Variants in GJC1 observed in about 807,000 individuals in gnomAD.
GJC1 encodes gap junction protein gamma 1, also known as gap junction gamma-1 protein.
A neutral mutation model predicts 29.3 loss-of-function variants in GJC1; 5 were observed. The ratio of observed to expected loss-of-function variants is 0.17; its 90% confidence interval spans 0.09 to 0.36. The LOEUF is 0.36. Among genes scored for constraint, GJC1 ranks in the 10% least tolerant of loss-of-function variants. The probability of loss-of-function intolerance (pLI) is 1.00; values close to 1 mark genes in which losing one functional copy is unlikely to be tolerated. For synonymous variants in GJC1, 177 were observed against 183.3 expected (o/e 0.97, Z 0.28); for missense variants, 310 against 496.2 (o/e 0.62, Z 3.56).
At chr17:44,824,504 T>C (rs1350091186) in intron 1 of GJC1, among the ~76,000 whole-genome samples, 1 of 152,068 alleles carries the variant, frequency 6.6e-6, no homozygotes, top group Non-Finnish European at 1.5e-5. Context: ...GCCCTCACTA[T>C]GTTGCCCAGG....
In GJC1 at chr17:44,816,134, A is replaced by AAG. The variant is rs1555558967; in HGVS notation, c.-96-8666_-96-8665insCT. ...TCTCAAAAAAAAAAAAAAAAAAAAA[A>AAG]AAAAGTTGCTTTTTTCTAGAACGGC... is the stretch of plus-strand genomic sequence containing the variant. On this transcript the variant is annotated intron_variant, in intron 1 of 2. Transcript: ENST00000592524. 3.9e-3 allele frequency among the ~76,000 whole-genome samples: 589 copies of AAG among 149,858 alleles called. 14 individuals carry two copies. The highest frequency in any genetic ancestry group is 0.014 in the African/African-American group (540 of 39,942).
intron 1 of GJC1, among the ~76,000 whole-genome samples, chr17:44,826,352 G>C: frequency 6.6e-6 from 1 of 151,978 alleles, no homozygotes; most frequent in East Asian, 1.9e-4. Context: ...TTAACACGAT[G>C]AAACAGTCTC....
At chr17:44,814,869 G>C (rs2050024715) in intron 1 of GJC1, among the ~76,000 whole-genome samples, 1 of 152,078 alleles carries the variant, frequency 6.6e-6, no homozygotes. Context: ...TTGAACCCGG[G>C]GGGCGGAGGT....
At chr17:44,823,022 T>G (rs2050129767) in intron 1 of GJC1, among the ~76,000 whole-genome samples, 1 of 152,152 alleles carries the variant, frequency 6.6e-6, no homozygotes. Flanking sequence ...AGCTCTAATT[T>G]GAACGTTCCC....
intron 1 of GJC1, among the ~76,000 whole-genome samples, chr17:44,816,196 A>T (rs1204599492): frequency 6.6e-6 from 1 of 151,630 alleles, no homozygotes; most frequent in African/African-American, 2.4e-5. Flanking sequence ...ATGGTAGCCC[A>T]TAATTCAAAA....
rs946604347 is a variant in GJC1, at chr17:44,799,602, T to A, written c.*5025A>T. ...ATTATTAACACTGATTAATAACACA[T>A]GAACCAAACCCACTTAATATCATTA... is the stretch of plus-strand genomic sequence containing the variant. On this transcript the variant is annotated 3_prime_UTR_variant, in exon 3 of 3. Coordinates refer to ENST00000592524, the MANE Select transcript of GJC1 (RefSeq NM_005497.4). 6.6e-6 allele frequency: 1 copy of A among 151,808 alleles called. No homozygotes were observed. Among genetic ancestry groups the A allele is most frequent in the African/African-American group, 2.4e-5 (1 of 41,320 alleles). The allele number at this position is 151,808 out of a possible 1,614,324, so 9.4% of individuals were successfully genotyped here. A position where few individuals can be genotyped will look rare whatever the true frequency, so the allele number is the denominator to read the frequency against.
chr17:44,825,188 CA>C (rs1162077867), intron 1 of GJC1, among the ~76,000 whole-genome samples: 6,638 of 45,510 alleles, frequency 0.15, 42 homozygotes, highest in South Asian at 0.18. Context: ...GTCTCAATTA[CA>C]AAAAAAAAAA....
At position 44,830,131 on chromosome 17, in the gene GJC1, T is replaced by G. The variant is rs951313827; in HGVS notation, c.-166A>C. 1 of 153,234 alleles carries G rather than the reference T, an allele frequency of 6.5e-6. No homozygotes were observed. Among genetic ancestry groups the G allele is most frequent in the Non-Finnish European group, 1.5e-5 (1 of 68,416 alleles). The allele number at this position is 153,234 out of a possible 1,614,324, so 9.5% of individuals were successfully genotyped here. A position where few individuals can be genotyped will look rare whatever the true frequency, so the allele number is the denominator to read the frequency against. ...GCCCGTCCCGCCGGTCGCGGCCTCA[T>G]GTGCCCCGCGTCGCCATCGCCTTCA... On this transcript the variant is annotated 5_prime_UTR_variant, in exon 1 of 3. An upstream start codon of the reference 5' UTR is lost. Transcript: ENST00000592524. The surrounding 1 kb of genome is among the most constrained non-coding windows in gnomAD (Gnocchi z 4.3).
intron 1 of GJC1, chr17:44,829,844 G>C (rs1317302489): frequency 6.6e-6 from 1 of 152,094 alleles, no homozygotes; most frequent in African/African-American, 2.4e-5. Flanking sequence ...GGGTGCGCCG[G>C]GGACAGTGGC....
downstream of GJC1, chr17:44,797,697 T>A (rs2049792652): frequency 6.6e-6 from 1 of 152,168 alleles, no homozygotes; most frequent in Non-Finnish European, 1.5e-5. Flanking sequence ...AAAAACAGTT[T>A]TCAAACTCTG....
At chr17:44,812,767 C>T (rs1173993998) in intron 1 of GJC1, among the ~76,000 whole-genome samples, 1 of 151,862 alleles carries the variant, frequency 6.6e-6, no homozygotes, top group African/African-American at 2.4e-5. Context: ...CCTGCCTCAG[C>T]CTCCCGAATA....
chr17:44,827,703 C>T lies in GJC1; in HGVS notation c.-97+2359G>A, dbSNP rs553685894. Among the ~76,000 whole-genome samples the T allele has an allele frequency of 9.9e-5, 15 of 151,984 alleles. No individual in the cohort carries two copies. The East Asian group carries it at 2.9e-3, about 29-fold the overall frequency. ...ATCCCAGCACTCTGGGAGGCCGAGG[C>T]GGGAGGATCACAAGGTCAGGAGATC... On this transcript the variant is annotated intron_variant, in intron 1 of 2. Transcript: ENST00000592524.
chr17:44,812,699 G>A (rs2049997877), intron 1 of GJC1, among the ~76,000 whole-genome samples: 1 of 151,752 alleles, frequency 6.6e-6, no homozygotes, highest in Non-Finnish European at 1.5e-5. Context: ...CCAGGCTGGA[G>A]TGCAGTGGCA....
intron 1 of GJC1, among the ~76,000 whole-genome samples, chr17:44,820,373 C>T (rs144539442): frequency 3.9e-4 from 60 of 152,242 alleles, no homozygotes; most frequent in East Asian, 3.5e-3. Flanking sequence ...AAGTTCTTTC[C>T]ATATCCTAAT....
rs2049803123 is a variant in GJC1, at chr17:44,798,636, T to A, written c.*5991A>T. On this transcript the variant is annotated 3_prime_UTR_variant, in exon 3 of 3. Coordinates refer to ENST00000592524, the MANE Select transcript of GJC1 (RefSeq NM_005497.4). Reference sequence around the variant, plus strand: ...TGCAATATCCAAACTGCACACCACATGACATTAGATTGCTGGTTAACCATT... The same window carrying A: ...TGCAATATCCAAACTGCACACCACAAGACATTAGATTGCTGGTTAACCATT... 6.6e-6 allele frequency: 1 copy of A among 152,198 alleles called. No homozygotes were observed. The highest frequency in any genetic ancestry group is 1.5e-5 in the Non-Finnish European group (1 of 68,026). The allele number at this position is 152,198 out of a possible 1,614,324, so 9.4% of individuals were successfully genotyped here. A position where few individuals can be genotyped will look rare whatever the true frequency, so the allele number is the denominator to read the frequency against.
At chr17:44,796,824 T>TAC (rs980046146), downstream of GJC1, among the ~76,000 whole-genome samples, 3 of 139,666 alleles carry the variant, frequency 2.1e-5, no homozygotes, top group East Asian at 2.1e-4. Context: ...CACACACACA[T>TAC]ACACACACAC....
intron 1 of GJC1, among the ~76,000 whole-genome samples, chr17:44,823,558 C>A (rs1392007187): frequency 6.6e-6 from 1 of 151,066 alleles, no homozygotes; most frequent in Admixed American, 6.6e-5. Context: ...CCTCTTTCCT[C>A]CTTTTTTTTA....
chr17:44,824,873 C>A (rs1597760907), intron 1 of GJC1, among the ~76,000 whole-genome samples: 1 of 63,198 alleles, frequency 1.6e-5, no homozygotes, highest in Non-Finnish European at 3.3e-5. Flanking sequence ...AAGAGTCCAA[C>A]TATTTTTTTT....
intron 1 of GJC1, among the ~76,000 whole-genome samples, chr17:44,818,719 C>T (rs2050071272): frequency 6.6e-6 from 1 of 151,996 alleles, no homozygotes; most frequent in Non-Finnish European, 1.5e-5. Context: ...TGCTTCAACC[C>T]GGAAGGCAGA....
Sources: allele counts gnomAD v4.1 joint callset (sites outside exome capture counted in the v4.1 genomes callset), GRCh38; gene constraint gnomAD v4.1.1; non-coding constraint Gnocchi (gnomAD v3.1); transcripts MANE v1.5; gene names NCBI Gene and HGNC (gene_info 2026-07-23, HGNC 2026-07-21).